The following GRID2 variants were observed in gnomAD, a reference collection of about 807,000 sequenced individuals.
GRID2 encodes glutamate receptor ionotropic, delta-2.
Under a neutral mutation model 114.8 loss-of-function variants are expected in GRID2, and 33 were observed. The observed-to-expected ratio is 0.29, with a 90% confidence interval of 0.22 to 0.38. The LOEUF is 0.38. GRID2 is among the 10% of genes least tolerant of loss of function. GRID2 has a pLI of 1.00. For synonymous variants in GRID2, 505 were observed against 449.9 expected (o/e 1.12, Z -1.55); for missense variants, 1,184 against 1,257.7 (o/e 0.94, Z 0.89).
In GRID2 at chr4:92,962,459, G is replaced by A. The variant is rs1439283111; in HGVS notation, c.245-122536G>A. Among the ~76,000 whole-genome samples the A allele has an allele frequency of 4.0e-5, 6 of 151,764 alleles. 1 individual carries two copies. Among genetic ancestry groups the A allele is most frequent in the South Asian group, 4.2e-4 (2 of 4,816 alleles). On this transcript the variant is annotated intron_variant, in intron 2 of 15. Coordinates refer to ENST00000282020, the MANE Select transcript of GRID2 (RefSeq NM_001510.4). The stretch of plus-strand genomic sequence containing the variant: ...AATAGGATAGCTAGAATGGGCTGAC[G>A]TTGAGTATTTTCCTTCTCCCAGTTG...
intron 9 of GRID2, among the ~76,000 whole-genome samples, chr4:93,405,355 T>G (rs563315324): frequency 6.6e-6 from 1 of 152,268 alleles, no homozygotes; most frequent in South Asian, 2.1e-4. Context: ...AATTTCTTAT[T>G]CTTTTGTATC....
intron 2 of GRID2, among the ~76,000 whole-genome samples, chr4:92,903,700 C>T (rs957313897): frequency 3.3e-5 from 5 of 151,816 alleles, no homozygotes; most frequent in Non-Finnish European, 5.9e-5. Flanking sequence ...TTTTAAAAGG[C>T]ACAGTATTTT....
chr4:92,496,976 A>G (rs1444126111), intron 1 of GRID2, among the ~76,000 whole-genome samples: 1 of 151,752 alleles, frequency 6.6e-6, no homozygotes, highest in African/African-American at 2.4e-5. Context: ...AGAGGGAAAC[A>G]AATAGTTAAA....
At chr4:93,782,107 C>A (rs1429143370) in intron 1 of GRID2, among the ~76,000 whole-genome samples, 1 of 152,164 alleles carries the variant, frequency 6.6e-6, no homozygotes, top group Non-Finnish European at 1.5e-5. Context: ...ATGTTTCCCA[C>A]ATGGCGAATA....
chr4:93,615,261 A>G (rs865807345), intron 13 of GRID2, among the ~76,000 whole-genome samples: 5 of 152,314 alleles, frequency 3.3e-5, no homozygotes, highest in Non-Finnish European at 5.9e-5. Flanking sequence ...TCGTCTTTGC[A>G]TCTATAAATT....
chr4:93,127,235 C>T (rs762429824), intron 4 of GRID2, among the ~76,000 whole-genome samples: 7 of 152,142 alleles, frequency 4.6e-5, no homozygotes, highest in African/African-American at 1.4e-4. Flanking sequence ...TCATGAAATG[C>T]ATTTTTTTTG....
chr4:92,316,307 GT>G (rs1725978558), intron 1 of GRID2, among the ~76,000 whole-genome samples: 1 of 152,126 alleles, frequency 6.6e-6, no homozygotes, highest in African/African-American at 2.4e-5. Flanking sequence ...TTCTTAAATG[GT>G]TTTTCAATTT....
intron 14 of GRID2, among the ~76,000 whole-genome samples, chr4:93,662,706 G>C (rs1229251422): frequency 6.6e-6 from 1 of 152,106 alleles, no homozygotes; most frequent in African/African-American, 2.4e-5. Flanking sequence ...TAGCATGAGA[G>C]TTTATATTAG....
chr4:92,633,122 G>A (rs1470322883), intron 2 of GRID2, among the ~76,000 whole-genome samples: 1 of 152,082 alleles, frequency 6.6e-6, no homozygotes, highest in African/African-American at 2.4e-5. Flanking sequence ...TGAACCCAGG[G>A]CCATAAGCTC....
At chr4:92,833,011 T>A (rs1742224373) in intron 2 of GRID2, among the ~76,000 whole-genome samples, 1 of 152,108 alleles carries the variant, frequency 6.6e-6, no homozygotes. Context: ...GTTTACAAAA[T>A]CCCTAGAATA....
At chr4:93,269,181 G>A (rs1388043200) in intron 8 of GRID2, among the ~76,000 whole-genome samples, 5 of 152,080 alleles carry the variant, frequency 3.3e-5, no homozygotes, top group African/African-American at 1.2e-4. Context: ...TCAGTTTAAT[G>A]CAGTGATTCT....
In GRID2 at chr4:93,565,806, AT is replaced by A. The variant is rs1439582595; in HGVS notation, c.2193+50396del. On this transcript the variant is annotated intron_variant, in intron 13 of 15. Transcript: ENST00000282020. ...ATTTAGAGTCTAAAAATTCTTAGGAATCAGTTTATCTCTGAAGAGTTATATA... is the reference window on the plus strand; with the variant it reads ...ATTTAGAGTCTAAAAATTCTTAGGAACAGTTTATCTCTGAAGAGTTATATA... Among the ~76,000 whole-genome samples the A allele has an allele frequency of 9.2e-5, 14 of 152,318 alleles. No individual in the cohort carries two copies. In the South Asian group the frequency reaches 2.9e-3, roughly 32 times the overall value.
rs560002331 is a variant in GRID2, at chr4:93,692,319, T to C, written c.2360+65884T>C. 2.0e-5 allele frequency among the ~76,000 whole-genome samples: 3 copies of C among 152,146 alleles called. No individual in the cohort carries two copies. In the East Asian group the frequency reaches 5.8e-4, roughly 29 times the overall value. On this transcript the variant is annotated intron_variant, in intron 14 of 15. Transcript: ENST00000282020. ...AGCCACATGGATATGAAGTAAAAGC[T>C]TTCCAGGCAGAGCAAACAGCAAGTG...
chr4:92,317,254 A>T lies in GRID2; in HGVS notation c.88+12510A>T, dbSNP rs111442426. ...GACAGTTTTATGACATTTGACATTT[A>T]TGACATTTGACATTTATGACTTTTG... On this transcript the variant is annotated intron_variant, in intron 1 of 15. Transcript: ENST00000282020. 3.7e-3 allele frequency among the ~76,000 whole-genome samples: 558 copies of T among 152,358 alleles called. 5 individuals carry two copies. Among genetic ancestry groups the T allele is most frequent in the African/African-American group, 0.013 (527 of 41,592 alleles).
intron 1 of GRID2, among the ~76,000 whole-genome samples, chr4:92,574,133 A>G (rs1213477705): frequency 6.6e-6 from 1 of 151,518 alleles, no homozygotes; most frequent in Non-Finnish European, 1.5e-5. Context: ...AACCCCTGCT[A>G]TTTTCCTGTT....
intron 1 of GRID2, among the ~76,000 whole-genome samples, chr4:92,565,199 G>A (rs748952084): frequency 6.6e-6 from 1 of 151,902 alleles, no homozygotes; most frequent in African/African-American, 2.4e-5. Flanking sequence ...ATAATATGTT[G>A]TATTAAAAAA....
intron 2 of GRID2, among the ~76,000 whole-genome samples, chr4:92,831,492 C>T (rs1217267508): frequency 2.0e-5 from 3 of 147,944 alleles, no homozygotes; most frequent in Non-Finnish European, 3.0e-5. Context: ...ATGCCAATTT[C>T]GTTTTTTTTT....
At chr4:92,346,674 T>C (rs146603691) in intron 1 of GRID2, among the ~76,000 whole-genome samples, 81 of 152,284 alleles carry the variant, frequency 5.3e-4, no homozygotes, top group African/African-American at 1.9e-3. Flanking sequence ...GAACTTTAAA[T>C]ACAATATCAG....
At chr4:92,323,111 T>C (rs1726403209) in intron 1 of GRID2, among the ~76,000 whole-genome samples, 1 of 152,110 alleles carries the variant, frequency 6.6e-6, no homozygotes, top group Admixed American at 6.6e-5. Context: ...TTTTTAAAAA[T>C]GTAAAGATAG....
Sources: allele counts gnomAD v4.1 joint callset (sites outside exome capture counted in the v4.1 genomes callset), GRCh38; gene constraint gnomAD v4.1.1; transcripts MANE v1.5; gene names NCBI Gene and HGNC (gene_info 2026-07-23, HGNC 2026-07-21).